DLGAP2: variants seen among roughly 807,000 people sequenced by gnomAD.
DLGAP2 encodes disks large-associated protein 2.
DLGAP2 carries 26 observed loss-of-function variants against 100.3 expected under a neutral mutation model. The observed-to-expected ratio is 0.26, with a 90% confidence interval of 0.19 to 0.36. The LOEUF is 0.36. Among genes scored for constraint, DLGAP2 ranks in the 10% least tolerant of loss-of-function variants. The pLI is 1.00. For missense variants in DLGAP2, 1,858 were observed against 1,453.2 expected, an observed-to-expected ratio of 1.28 and a Z score of -4.53; for synonymous variants, 886 against 630.1, an observed-to-expected ratio of 1.41 and a Z score of -6.08.
chr8:1,080,285 C>A (rs947676574), intron 2 of DLGAP2, among the ~76,000 whole-genome samples: 3 of 152,222 alleles, frequency 2.0e-5, no homozygotes, highest in African/African-American at 7.2e-5. Flanking sequence ...CCCGCCCCGC[C>A]GCCCGCGTGC....
chr8:1,194,532 A>G (rs1797709363), intron 2 of DLGAP2, among the ~76,000 whole-genome samples: 1 of 152,078 alleles, frequency 6.6e-6, no homozygotes, highest in Non-Finnish European at 1.5e-5. Flanking sequence ...TTGTGATGTG[A>G]AGAAATTCTC....
chr8:872,547 G>A (rs1396188675), intron 1 of DLGAP2, among the ~76,000 whole-genome samples: 1 of 151,988 alleles, frequency 6.6e-6, no homozygotes, highest in Non-Finnish European at 1.5e-5. Context: ...GGCCAGGCTG[G>A]TCTCAAACTG....
At chr8:935,887 T>C (rs142225510) in intron 2 of DLGAP2, among the ~76,000 whole-genome samples, 31 of 152,306 alleles carry the variant, frequency 2.0e-4, no homozygotes, top group African/African-American at 7.0e-4. Flanking sequence ...AAAATGTCTA[T>C]CAATTATTGT....
chr8:1,058,595 G>A (rs925872160), intron 2 of DLGAP2, among the ~76,000 whole-genome samples: 20 of 152,312 alleles, frequency 1.3e-4, no homozygotes, highest in Non-Finnish European at 2.9e-4. Flanking sequence ...GAGGGAGCAG[G>A]GGGAAGCCTG....
chr8:1,342,680 C>G (rs888977996), intron 3 of DLGAP2, among the ~76,000 whole-genome samples: 2 of 152,198 alleles, frequency 1.3e-5, no homozygotes, highest in Non-Finnish European at 2.9e-5. Context: ...TCATCCCTAA[C>G]TTTATATTCC....
intron 1 of DLGAP2, among the ~76,000 whole-genome samples, chr8:819,647 G>C (rs1796548792): frequency 6.6e-6 from 1 of 152,232 alleles, no homozygotes; most frequent in Non-Finnish European, 1.5e-5. Flanking sequence ...ATTATTAACT[G>C]TACTGTGCAT....
At position 1,691,497 on chromosome 8, in the gene DLGAP2, AGTT is replaced by A. The variant is rs530903301; in HGVS notation, c.2705-31_2705-29del. 450 of 1,565,524 alleles carry A rather than the reference AGTT, an allele frequency of 2.9e-4. 1 individual carries two copies. In the African/African-American group the frequency reaches 5.0e-3, roughly 17 times the overall value. ...TTTTGTGTAATTGACCCAGTTTTGAAGTTGTTGTTTTTTTGTTTTTGTTTTTGT... is the reference window on the plus strand; with the variant it reads ...TTTTGTGTAATTGACCCAGTTTTGAAGTTGTTTTTTTGTTTTTGTTTTTGT... On this transcript the variant is annotated intron_variant, in intron 12 of 14. Transcript: ENST00000637795.
At chr8:1,114,917 G>T (rs1044504487) in intron 2 of DLGAP2, among the ~76,000 whole-genome samples, 1 of 152,162 alleles carries the variant, frequency 6.6e-6, no homozygotes, top group Non-Finnish European at 1.5e-5. Flanking sequence ...CAGTTTCAAA[G>T]AACTTCTTGA....
intron 12 of DLGAP2, among the ~76,000 whole-genome samples, chr8:1,688,061 C>T (rs895735812): frequency 3.9e-5 from 6 of 152,190 alleles, no homozygotes; most frequent in South Asian, 2.1e-4. Flanking sequence ...GGAGCTTTCA[C>T]TGTCACCCCT....
intron 2 of DLGAP2, among the ~76,000 whole-genome samples, chr8:1,192,030 G>A (rs1379718223): frequency 6.6e-6 from 1 of 152,176 alleles, no homozygotes. Context: ...TTGTATGACT[G>A]GACATTCGTA....
At chr8:782,891 A>T (rs2132626381) in intron 1 of DLGAP2, among the ~76,000 whole-genome samples, 1 of 151,938 alleles carries the variant, frequency 6.6e-6, no homozygotes, top group Middle Eastern at 3.4e-3. Context: ...AGAAGAACCA[A>T]CCCCCAAATC....
intron 2 of DLGAP2, among the ~76,000 whole-genome samples, chr8:914,948 T>TG (rs758383639): frequency 2.0e-5 from 3 of 151,998 alleles, no homozygotes; most frequent in Non-Finnish European, 2.9e-5. Context: ...TCCTTGGGGG[T>TG]GTCAGGAGGG....
chr8:1,185,236 C>G (rs911779524), intron 2 of DLGAP2, among the ~76,000 whole-genome samples: 1 of 152,092 alleles, frequency 6.6e-6, no homozygotes. Flanking sequence ...CCTGTATTTT[C>G]TAGCCCGATA....
intron 3 of DLGAP2, among the ~76,000 whole-genome samples, chr8:1,263,962 A>T (rs1011141517): frequency 6.6e-6 from 1 of 152,330 alleles, no homozygotes; most frequent in Middle Eastern, 3.4e-3. Context: ...AGCTCTAGCC[A>T]GTCTGTCTTC....
intron 2 of DLGAP2, among the ~76,000 whole-genome samples, chr8:1,163,043 G>A (rs947663151): frequency 6.6e-6 from 1 of 152,132 alleles, no homozygotes; most frequent in South Asian, 2.1e-4. Context: ...TCCGAGGTGA[G>A]GCCCTGGAGT....
chr8:784,935 C>G (rs11777702), intron 1 of DLGAP2, among the ~76,000 whole-genome samples: 1 of 151,936 alleles, frequency 6.6e-6, no homozygotes, highest in African/African-American at 2.4e-5. Context: ...TGGCTGGGCA[C>G]GGTGGCTCAC....
intron 1 of DLGAP2, among the ~76,000 whole-genome samples, chr8:900,981 A>T (rs905992219): frequency 1.3e-5 from 2 of 152,234 alleles, no homozygotes; most frequent in Non-Finnish European, 2.9e-5. Context: ...AAACTATATT[A>T]CATAGTTTTA....
chr8:1,217,160 C>A (rs988258805), intron 2 of DLGAP2, among the ~76,000 whole-genome samples: 1 of 152,140 alleles, frequency 6.6e-6, no homozygotes, highest in East Asian at 1.9e-4. Flanking sequence ...CCTCTTTGTG[C>A]TCATGAATTC....
chr8:1,614,689 T>A (rs1339422448), intron 6 of DLGAP2, among the ~76,000 whole-genome samples: 1 of 152,242 alleles, frequency 6.6e-6, no homozygotes, highest in Non-Finnish European at 1.5e-5. Flanking sequence ...ATATGCAGGT[T>A]GGCCAAGCCA....
Sources: allele counts gnomAD v4.1 joint callset (sites outside exome capture counted in the v4.1 genomes callset), GRCh38; gene constraint gnomAD v4.1.1; transcripts MANE v1.5; gene names NCBI Gene and HGNC (gene_info 2026-07-23, HGNC 2026-07-21).